The following NTSR1 variants were observed in gnomAD, a reference collection of about 807,000 sequenced individuals.
NTSR1 encodes the protein neurotensin receptor 1.
Under a neutral mutation model 31.2 loss-of-function variants are expected in NTSR1, and 29 were observed. The ratio of observed to expected loss-of-function variants is 0.93; its 90% CI spans 0.69 to 1.27. NTSR1 has a LOEUF of 1.27. Among genes scored for constraint, NTSR1 ranks in the 50% most tolerant of loss-of-function variants. The pLI is 0.00. For missense variants in NTSR1, 697 were observed against 595.4 expected, an observed-to-expected ratio of 1.17 and a Z score of -1.78; for synonymous variants, 282 against 269.9, an observed-to-expected ratio of 1.04 and a Z score of -0.44.
At chr20:62,710,055 TG>T in intron 1 of NTSR1, 134 bp downstream of exon 1, 1 of 742,202 alleles carries the variant, frequency 1.3e-6, no homozygotes, top group Non-Finnish European at 2.2e-6. Flanking sequence ...GGAAGGCGGT[TG>T]GGGCAGCTTG....
At position 62,711,287 on chromosome 20, in the gene NTSR1, G is replaced by A. The variant is rs183387672; in HGVS notation, c.714+1366G>A. On this transcript the variant is annotated intron_variant, in intron 1 of 3. Transcript: ENST00000370501. This position sits in a 1 kb window ranked among gnomAD's most constrained non-coding sequence, Gnocchi z 6.4. ...GTCAGGGCTGCTTTGCTTCTGCGGC[G>A]AGAGTCCCTCCCCTCACCAGAGGCA... Among the ~76,000 whole-genome samples the A allele has an allele frequency of 1.2e-3, 183 of 152,292 alleles. No homozygotes were observed. The highest frequency in any genetic ancestry group is 4.1e-3 in the African/African-American group (170 of 41,568).
At chr20:62,739,020 C>A (rs1460690264) in intron 1 of NTSR1, among the ~76,000 whole-genome samples, 1 of 152,194 alleles carries the variant, frequency 6.6e-6, no homozygotes, top group Non-Finnish European at 1.5e-5. Context: ...TGTTTTCATG[C>A]ACTGAGCCAT....
chr20:62,709,716 T>C lies in NTSR1; in HGVS notation c.509T>C (p.Ile170Thr). Residue 170 changes from isoleucine to threonine, a missense_variant, in exon 1 of 4, where the codon ATC (isoleucine) becomes ACC (threonine). Physicochemically the swap from Ile to Thr is moderately conservative, Grantham distance 89 (BLOSUM62 -1). Coordinates refer to ENST00000370501, the MANE Select transcript of NTSR1 (RefSeq NM_002531.3). The stretch of plus-strand genomic sequence containing the variant: ...CTGAGTGTGGAGCGCTACCTGGCCA[T>C]CTGCCACCCCTTCAAGGCCAAGACC... ...ASLSVERYLA[I>T]CHPFKAKTLM... The C allele has an allele frequency of 1.2e-6, 2 of 1,612,826 alleles. No homozygotes were observed. The highest frequency in any genetic ancestry group is 1.3e-5 in the African/African-American group (1 of 75,032).
At chr20:62,719,526 C>CGGTACATCGTCATGCGACCATCTCCA (rs1809579842) in intron 1 of NTSR1, among the ~76,000 whole-genome samples, 2 of 152,026 alleles carry the variant, frequency 1.3e-5, no homozygotes, top group East Asian at 1.9e-4. Context: ...CCCTCCCTCT[C>CGGTACATCGTCATGCGACCATCTCCA]CAGAGCTCTT....
At chr20:62,726,981 C>T (rs1988917679) in intron 1 of NTSR1, among the ~76,000 whole-genome samples, 1 of 152,226 alleles carries the variant, frequency 6.6e-6, no homozygotes, top group African/African-American at 2.4e-5. Flanking sequence ...GCTTTGTGGA[C>T]AACCGTGGCC....
rs376459434 is a variant in NTSR1 at position 62,760,035 on chromosome 20, A to G, written c.1025A>G (p.Tyr342Cys). ...CCCCGCAGGTTCCTCTATGACTTCT[A>G]CCACTACTTCTACATGGTGACCAAC... Reference protein sequence around the residue: ...EQWTPFLYDFYHYFYMVTNAL... With the variant: ...EQWTPFLYDFCHYFYMVTNAL... The change falls in exon 4 of 4, where the codon TAC (tyrosine) becomes TGC (cysteine). Residue 342 changes from tyrosine (Y) to cysteine (C), a missense_variant. Tyr to Cys is a radical substitution (Grantham distance 194, BLOSUM62 -2). Coordinates refer to ENST00000370501, the MANE Select transcript of NTSR1 (RefSeq NM_002531.3). 1 of 1,613,778 alleles carries G rather than the reference A, an allele frequency of 6.2e-7. No individual in the cohort carries two copies. Among genetic ancestry groups the G allele is most frequent in the African/African-American group, 1.3e-5 (1 of 74,832 alleles).
Position 62,741,371 on chromosome 20 carries a change from C to T in NTSR1, c.715-13314C>T, listed in dbSNP as rs894057055. Among the ~76,000 whole-genome samples, 1 of 138,846 alleles carries T rather than the reference C, an allele frequency of 7.2e-6. No homozygotes were observed. The highest frequency in any genetic ancestry group is 1.5e-5 in the Non-Finnish European group (1 of 67,680). The allele number at this position is 138,846 out of a possible 152,430, so 91.1% of individuals were successfully genotyped here. A position where few individuals can be genotyped will look rare whatever the true frequency, so the allele number is the denominator to read the frequency against. ...CTCCCACACTCAGGGCTCCCTGCTG[C>T]CTGGAAGAGGAGAGGAGGGCAAACC... On this transcript the variant is annotated intron_variant, in intron 1 of 3. Transcript: ENST00000370501. The surrounding 1 kb of genome is among the most constrained non-coding windows in gnomAD (Gnocchi z 4.3).
Position 62,709,468 on chromosome 20 carries a change from G to C in NTSR1, c.261G>C (p.Thr87=), listed in dbSNP as rs1988551487. The C allele has an allele frequency of 1.9e-6, 3 of 1,612,604 alleles. No individual in the cohort carries two copies. Among genetic ancestry groups the C allele is most frequent in the Non-Finnish European group, 2.5e-6 (3 of 1,179,810 alleles). The stretch of plus-strand genomic sequence containing the variant: ...TGGGCAACACGGTGACGGCGTTCAC[G>C]CTGGCGCGGAAGAAGTCGCTGCAGA... ...GTVGNTVTAF[T]LARKKSLQSL... The change falls in exon 1 of 4, where the codon ACG becomes ACC. Residue 87 remains threonine, a synonymous_variant. Transcript: ENST00000370501.
rs936951563 is a variant in NTSR1, at chr20:62,743,519, G to T, written c.715-11166G>T. On this transcript the variant is annotated intron_variant, in intron 1 of 3. Coordinates refer to ENST00000370501, the MANE Select transcript of NTSR1 (RefSeq NM_002531.3). This position sits in a 1 kb window ranked among gnomAD's most constrained non-coding sequence, Gnocchi z 7.5. ...CTGCTGGGGCTGGTCATCTGCTCAG[G>T]GAGAGGGCGATCCCCTGCCAGCCCA... 2.0e-5 allele frequency among the ~76,000 whole-genome samples: 3 copies of T among 152,172 alleles called. No homozygotes were observed. The highest frequency in any genetic ancestry group is 7.2e-5 in the African/African-American group (3 of 41,444).
intron 3 of NTSR1, among the ~76,000 whole-genome samples, chr20:62,759,521 TC>T (rs978028823): frequency 1.3e-4 from 20 of 150,942 alleles, no homozygotes; most frequent in African/African-American, 4.9e-4. Context: ...ACGCCTGTAA[TC>T]CCAGCACTTT....
chr20:62,718,535 C>T (rs1988775043), intron 1 of NTSR1, among the ~76,000 whole-genome samples: 1 of 89,742 alleles, frequency 1.1e-5, no homozygotes, highest in Non-Finnish European at 2.3e-5. Flanking sequence ...AGCCCTGTGG[C>T]CCACCCGCCC....
chr20:62,759,756 C>T (rs1334713440), intron 3 of NTSR1, among the ~76,000 whole-genome samples: 2 of 129,624 alleles, frequency 1.5e-5, no homozygotes, highest in Non-Finnish European at 3.2e-5. Flanking sequence ...GCCTGGGAGA[C>T]AGAGCGAGAC....
At chr20:62,752,939 A>C (rs1275820747) in intron 1 of NTSR1, among the ~76,000 whole-genome samples, 1 of 152,114 alleles carries the variant, frequency 6.6e-6, no homozygotes, top group Non-Finnish European at 1.5e-5. Flanking sequence ...AGGGGAGGGC[A>C]GAACAGACCC....
chr20:62,753,294 G>A (rs1440089627), intron 1 of NTSR1, among the ~76,000 whole-genome samples: 1 of 152,230 alleles, frequency 6.6e-6, no homozygotes, highest in Non-Finnish European at 1.5e-5. Context: ...CTCAGTGGCT[G>A]CCCTGTCCCA....
At position 62,709,168 on chromosome 20, in the gene NTSR1, C is replaced by T. The variant is rs1169208427; in HGVS notation, c.-40C>T. ...CCCACTCCTGCCCGGACTTCCAGCC[C>T]CGGAGGCGCCGGACAGAGCCGCGGA... On this transcript the variant is annotated 5_prime_UTR_variant, in exon 1 of 4. Transcript: ENST00000370501. 10 of 1,368,678 alleles carry T rather than the reference C, an allele frequency of 7.3e-6. No homozygotes were observed. In the East Asian group the frequency reaches 2.9e-4, roughly 40 times the overall value. 84.8% of individuals were successfully genotyped at this position (1,368,678 alleles called of 1,614,324 possible).
intron 1 of NTSR1, among the ~76,000 whole-genome samples, chr20:62,754,273 C>T (rs1057094754): frequency 9.9e-5 from 15 of 152,216 alleles, no homozygotes; most frequent in African/African-American, 2.4e-5. Context: ...ACAGGACGGG[C>T]CTTGGGGTGG....
chr20:62,709,125 G>A lies in NTSR1; in HGVS notation c.-83G>A, dbSNP rs1600714705. The stretch of plus-strand genomic sequence containing the variant: ...CCCTCCCCTGGGCTCCCGTTCATCG[G>A]TCCCCGCCTGAGACGCGCCCACTCC... On this transcript the variant is annotated 5_prime_UTR_variant, in exon 1 of 4. Coordinates refer to ENST00000370501, the MANE Select transcript of NTSR1 (RefSeq NM_002531.3). 8.5e-7 allele frequency: 1 copy of A among 1,171,948 alleles called. No homozygotes were observed. Among genetic ancestry groups the A allele is most frequent in the East Asian group, 3.1e-5 (1 of 32,232 alleles). 72.6% of individuals were successfully genotyped at this position (1,171,948 alleles called of 1,614,324 possible).
In NTSR1 at chr20:62,760,866, G is replaced by A. The variant is rs1263714427; in HGVS notation, c.*599G>A. Reference sequence around the variant, plus strand: ...CAAGCTGGGGGCCCATCGCCGTGGGGAGTCCCTCCCACCACCCTCGCCGCA... The same window carrying A: ...CAAGCTGGGGGCCCATCGCCGTGGGAAGTCCCTCCCACCACCCTCGCCGCA... On this transcript the variant is annotated 3_prime_UTR_variant, in exon 4 of 4. Coordinates refer to ENST00000370501, the MANE Select transcript of NTSR1 (RefSeq NM_002531.3). The A allele has an allele frequency of 6.5e-6, 1 of 152,696 alleles. No individual in the cohort carries two copies. The highest frequency in any genetic ancestry group is 2.4e-5 in the African/African-American group (1 of 41,454). 9.5% of individuals were successfully genotyped at this position (152,696 alleles called of 1,614,324 possible).
chr20:62,759,850 C>G (rs1989583157), intron 3 of NTSR1, among the ~76,000 whole-genome samples, 168 bp from the exon 4 acceptor site: 1 of 152,020 alleles, frequency 6.6e-6, no homozygotes, highest in Non-Finnish European at 1.5e-5. Context: ...CAGGAGAAGC[C>G]AGACCCTGGA....
Sources: allele counts gnomAD v4.1 joint callset (sites outside exome capture counted in the v4.1 genomes callset), GRCh38; gene constraint gnomAD v4.1.1; non-coding constraint Gnocchi (gnomAD v3.1); transcripts MANE v1.5; gene names NCBI Gene and HGNC (gene_info 2026-07-23, HGNC 2026-07-21).